THNSL1: variants seen among roughly 807,000 people sequenced by gnomAD.
THNSL1 encodes threonine synthase-like 1.
In THNSL1, 48 loss-of-function variants were observed where a neutral mutation model predicts 50.4. That is an observed-to-expected ratio of 0.95 (90% CI 0.76 to 1.21). The LOEUF (loss-of-function observed/expected upper bound fraction) is 1.21. THNSL1 is among the 50% of genes most tolerant of loss of function. The pLI is 0.00. For missense variants in THNSL1, 896 were observed against 871.7 expected (o/e 1.03, Z -0.35); for synonymous variants, 309 against 306.1 (o/e 1.01, Z -0.10).
At chr10:24,980,795 C>T in the THNSL1 span, among the ~76,000 whole-genome samples, 1 of 152,210 alleles carries the variant, frequency 6.6e-6, no homozygotes, top group African/African-American at 2.4e-5. Context: ...TGGTTCACTG[C>T]AACCTTTGCC....
chr10:24,967,013 T>TA, the THNSL1 span, among the ~76,000 whole-genome samples: 3 of 152,170 alleles, frequency 2.0e-5, no homozygotes, highest in African/African-American at 4.8e-5. Flanking sequence ...TTTTTTTTTT[T>TA]ACCTAACTAA....
chr10:25,021,720 C>G (rs911944681), intron 1 of THNSL1, 22 bp from the exon 2 acceptor site: 6 of 152,102 alleles, frequency 3.9e-5, no homozygotes, highest in Non-Finnish European at 8.8e-5. Flanking sequence ...TTATGATTAA[C>G]TTAAATTTTT....
the THNSL1 span, among the ~76,000 whole-genome samples, chr10:24,988,274 A>G: frequency 7.1e-6 from 1 of 141,620 alleles, no homozygotes; most frequent in Non-Finnish European, 1.5e-5. Context: ...ATTTATATAT[A>G]TGTGTATATA....
the THNSL1 span, among the ~76,000 whole-genome samples, chr10:24,970,152 G>T: frequency 6.6e-6 from 1 of 152,214 alleles, no homozygotes; most frequent in Non-Finnish European, 1.5e-5. Flanking sequence ...CTTTCAAGAT[G>T]ATCTGTACTC....
the THNSL1 span, among the ~76,000 whole-genome samples, chr10:24,964,739 G>A: frequency 2.0e-5 from 3 of 152,226 alleles, no homozygotes; most frequent in Non-Finnish European, 1.5e-5. Flanking sequence ...ATCCAGAAGT[G>A]AGCTTCCCTT....
the THNSL1 span, among the ~76,000 whole-genome samples, chr10:24,987,096 G>A: frequency 1.3e-5 from 2 of 152,204 alleles, no homozygotes; most frequent in South Asian, 4.1e-4. Flanking sequence ...CCTGGAGGGT[G>A]GAGAGTGAGG....
At chr10:25,006,422 C>G in the THNSL1 span, among the ~76,000 whole-genome samples, 4 of 151,744 alleles carry the variant, frequency 2.6e-5, no homozygotes, top group Non-Finnish European at 5.9e-5. Flanking sequence ...TTGCTTTTGT[C>G]TTTGGACAAT....
chr10:25,009,279 A>C, the THNSL1 span, among the ~76,000 whole-genome samples: 5 of 152,100 alleles, frequency 3.3e-5, no homozygotes, highest in Non-Finnish European at 7.4e-5. Flanking sequence ...TGCATGCAGA[A>C]ATTCTACACT....
the THNSL1 span, among the ~76,000 whole-genome samples, chr10:24,963,435 T>C: frequency 2.2e-4 from 34 of 152,356 alleles, no homozygotes; most frequent in Middle Eastern, 3.4e-3. Flanking sequence ...TTCAGACCAA[T>C]TGCCTAATCA....
Position 25,023,367 on chromosome 10 carries a change from A to G in THNSL1, c.144A>G (p.Ser48=). The G allele has an allele frequency of 6.2e-7, 1 of 1,614,180 alleles. No homozygotes were observed. The highest frequency in any genetic ancestry group is 1.3e-5 in the African/African-American group (1 of 75,070). The change falls in exon 3 of 3, where the codon TCA becomes TCG. Residue 48 remains serine (S), a synonymous_variant. Transcript: ENST00000376356. ...ALAELRKSWY[S]THSLVGDKNI... ...CGGAATTGAGGAAGTCATGGTATTC[A>G]ACCCACTCTCTTGTTGGAGACAAAA...
chr10:25,013,079 ACT>A (rs1436235498), upstream of THNSL1, among the ~76,000 whole-genome samples: 1 of 151,578 alleles, frequency 6.6e-6, no homozygotes, highest in Non-Finnish European at 1.5e-5. Flanking sequence ...CCCTGCACAC[ACT>A]CTCTTTCCTG....
chr10:24,972,897 G>GT, the THNSL1 span, among the ~76,000 whole-genome samples: 34 of 152,302 alleles, frequency 2.2e-4, no homozygotes, highest in East Asian at 5.4e-3. Context: ...AAGACCCCCA[G>GT]TGAATGCCTG....
the THNSL1 span, among the ~76,000 whole-genome samples, chr10:24,978,374 T>C: frequency 6.6e-6 from 1 of 151,954 alleles, no homozygotes; most frequent in Non-Finnish European, 1.5e-5. Flanking sequence ...AGAACACATG[T>C]CATTCCTTTT....
chr10:25,008,781 A>C, the THNSL1 span, among the ~76,000 whole-genome samples: 1 of 151,824 alleles, frequency 6.6e-6, no homozygotes, highest in South Asian at 2.1e-4. Flanking sequence ...ACCATAAATC[A>C]TGCTGCTATA....
chr10:25,011,684 A>G (rs1278233187), upstream of THNSL1, among the ~76,000 whole-genome samples: 1 of 152,216 alleles, frequency 6.6e-6, no homozygotes, highest in Non-Finnish European at 1.5e-5. Context: ...CAAGGTTTTC[A>G]TGTCTAAAAC....
At chr10:25,019,653 T>C in intron 1 of THNSL1, among the ~76,000 whole-genome samples, 1 of 152,342 alleles carries the variant, frequency 6.6e-6, no homozygotes, top group South Asian at 2.1e-4. Context: ...CCATTTTATA[T>C]AAAGGACTTG....
At chr10:24,984,445 T>C in the THNSL1 span, 5 of 1,502,256 alleles carry the variant, frequency 3.3e-6, no homozygotes, top group Non-Finnish European at 4.5e-6. Context: ...TAGAAATTAA[T>C]GTTTATGTGA....
At chr10:24,970,883 G>T in the THNSL1 span, among the ~76,000 whole-genome samples, 1 of 152,026 alleles carries the variant, frequency 6.6e-6, no homozygotes, top group Non-Finnish European at 1.5e-5. Context: ...AATTAGCCAG[G>T]CATGGTGGCA....
chr10:25,020,043 C>T (rs1850686199), intron 1 of THNSL1, among the ~76,000 whole-genome samples: 1 of 151,754 alleles, frequency 6.6e-6, no homozygotes, highest in Admixed American at 6.6e-5. Context: ...ATGTTGAGCC[C>T]CTAAAATCAA....
Sources: allele counts gnomAD v4.1 joint callset (sites outside exome capture counted in the v4.1 genomes callset), GRCh38; gene constraint gnomAD v4.1.1; transcripts MANE v1.5; gene names NCBI Gene and HGNC (gene_info 2026-07-23, HGNC 2026-07-21).